MYOCD: variants seen among roughly 807,000 people sequenced by gnomAD.
The protein encoded by MYOCD is myocardin.
In MYOCD, 32 loss-of-function variants were observed where a neutral mutation model predicts 96.1. That is an observed-to-expected ratio of 0.33 (90% CI 0.25 to 0.45). The LOEUF (loss-of-function observed/expected upper bound fraction) is 0.45, where lower values mean the gene tolerates loss of function less well. Among genes scored for constraint, MYOCD ranks in the 20% least tolerant of loss-of-function variants. MYOCD has a pLI of 1.00. For missense variants in MYOCD, 1,133 were observed against 1,200.6 expected, an observed-to-expected ratio of 0.94 and a Z score of 0.83; for synonymous variants, 469 against 469.0, an observed-to-expected ratio of 1.00 and a Z score of 0.00.
In MYOCD at chr17:12,763,535, G is replaced by T. The variant is rs887042605; in HGVS notation, c.2852G>T (p.Gly951Val). ...CTCACTCCGCCAAATTCCACACCAGGCTTTAGCGCCCTCACCACCAGCAGC... is the reference window on the plus strand; with the variant it reads ...CTCACTCCGCCAAATTCCACACCAGTCTTTAGCGCCCTCACCACCAGCAGC... ...LDLTPPNSTP[G>V]FSALTTSSPS... is the part of the protein sequence containing the mutation. Residue 951 changes from glycine to valine, a missense_variant, in exon 14 of 14, where the codon GGC (glycine) becomes GTC (valine). Gly to Val is a moderately radical substitution (Grantham distance 109). Coordinates refer to ENST00000425538, the MANE Select transcript of MYOCD (RefSeq NM_001146312.3). 1 of 1,614,148 alleles carries T rather than the reference G, an allele frequency of 6.2e-7. No individual in the cohort carries two copies. The highest frequency in any genetic ancestry group is 8.5e-7 in the Non-Finnish European group (1 of 1,180,044).
chr17:12,747,648 T>C (rs547674404), intron 9 of MYOCD, among the ~76,000 whole-genome samples: 58 of 151,986 alleles, frequency 3.8e-4, no homozygotes, highest in African/African-American at 1.4e-3. Context: ...AGGCATATGA[T>C]GCAACCACAA....
intron 5 of MYOCD, among the ~76,000 whole-genome samples, chr17:12,731,309 A>T (rs192903802): frequency 6.6e-5 from 10 of 152,270 alleles, no homozygotes; most frequent in Middle Eastern, 3.4e-3. Flanking sequence ...GTGGCATGCC[A>T]GCCTTTCCAC....
intron 1 of MYOCD, among the ~76,000 whole-genome samples, chr17:12,668,306 CTG>C (rs1487911970): frequency 1.3e-5 from 2 of 152,196 alleles, no homozygotes; most frequent in Non-Finnish European, 2.9e-5. Flanking sequence ...ACTCATAAAA[CTG>C]TTTCTATCTC....
intron 5 of MYOCD, among the ~76,000 whole-genome samples, chr17:12,734,662 C>T (rs2032289744): frequency 6.6e-6 from 1 of 151,852 alleles, no homozygotes; most frequent in Admixed American, 6.6e-5. Context: ...AGGTGCTCGC[C>T]ACCATGTCTG....
At position 12,753,011 on chromosome 17, in the gene MYOCD, G is replaced by T; in HGVS notation, c.1723G>T (p.Ala575Ser). 1 of 1,614,142 alleles carries T rather than the reference G, an allele frequency of 6.2e-7. No individual in the cohort carries two copies. Among genetic ancestry groups the T allele is most frequent in the Non-Finnish European group, 8.5e-7 (1 of 1,180,012 alleles). The stretch of plus-strand genomic sequence containing the variant: ...GGCTGCCTCCATCAAGCAGGAAGAG[G>T]CTGTCTCCAGCTGTCCTTTTGCATC... ...FLAASIKQEE[A>S]VSSCPFASQV... Residue 575 changes from alanine (A) to serine (S), a missense_variant, in exon 10 of 14, where the codon GCT becomes TCT. By Grantham distance (99) the Ala-to-Ser change is moderately conservative. Transcript: ENST00000425538.
In MYOCD at chr17:12,683,646, A is replaced by T. The variant is rs1471256484; in HGVS notation, c.55+17403A>T. ...CAAATTAAATGCTGTGGGCCTGACA[A>T]CTCCTTTTATTTATTTGTTTGAGTT... On this transcript the variant is annotated intron_variant, in intron 1 of 13. Coordinates refer to ENST00000425538, the MANE Select transcript of MYOCD (RefSeq NM_001146312.3). Among the ~76,000 whole-genome samples, 4 of 151,930 alleles carry T rather than the reference A, an allele frequency of 2.6e-5. No individual in the cohort carries two copies. The East Asian group carries it at 7.7e-4, about 29-fold the overall frequency.
intron 1 of MYOCD, among the ~76,000 whole-genome samples, chr17:12,681,236 A>C (rs1597728870): frequency 2.0e-5 from 3 of 152,318 alleles, no homozygotes; most frequent in East Asian, 3.9e-4. Context: ...CCCGGTGAGC[A>C]TGTGAATTGT....
At chr17:12,696,225 G>A (rs529344010) in intron 1 of MYOCD, among the ~76,000 whole-genome samples, 50 of 152,006 alleles carry the variant, frequency 3.3e-4, no homozygotes, top group Non-Finnish European at 6.2e-4. Flanking sequence ...TGGTCCGCCC[G>A]CCTCGACCTC....
Position 12,752,797 on chromosome 17 carries a change from G to C in MYOCD, c.1509G>C (p.Gly503=), listed in dbSNP as rs764922463. Residue 503 remains glycine, a synonymous_variant, in exon 10 of 14, where the codon GGG becomes GGC. Coordinates refer to ENST00000425538, the MANE Select transcript of MYOCD (RefSeq NM_001146312.3). ...AAAGTCTCATGAGCAGCCTGAATGG[G>C]GGCTCTGTTCCTTCTGAGCTGGATG... ...TEESLMSSLN[G]GSVPSELDGL... is the part of the protein sequence containing the mutation. 9.9e-6 allele frequency: 16 copies of C among 1,614,126 alleles called. No individual in the cohort carries two copies. In the Admixed American group the frequency reaches 2.7e-4, roughly 27 times the overall value.
intron 1 of MYOCD, among the ~76,000 whole-genome samples, chr17:12,679,310 A>T (rs931493352): frequency 2.0e-5 from 3 of 152,136 alleles, no homozygotes; most frequent in Non-Finnish European, 4.4e-5. Flanking sequence ...GTAACTCAGG[A>T]TTGGCTGGGA....
At chr17:12,718,821 A>G (rs1490923054) in intron 4 of MYOCD, among the ~76,000 whole-genome samples, 10 of 152,206 alleles carry the variant, frequency 6.6e-5, no homozygotes, top group African/African-American at 1.9e-4. Flanking sequence ...AGCAGCTGCT[A>G]TGTCAGCACA....
chr17:12,723,279 A>C (rs995579778), intron 5 of MYOCD, among the ~76,000 whole-genome samples: 2 of 152,160 alleles, frequency 1.3e-5, no homozygotes, highest in African/African-American at 4.8e-5. Context: ...TGCTCAAAAC[A>C]TCTCCCCTAT....
At chr17:12,746,359 T>A (rs569767868) in intron 9 of MYOCD, among the ~76,000 whole-genome samples, 2 of 152,188 alleles carry the variant, frequency 1.3e-5, no homozygotes, top group Non-Finnish European at 2.9e-5. Flanking sequence ...ATGGCACCAG[T>A]ATCTGGCAAA....
At chr17:12,685,199 C>G (rs150708781) in intron 1 of MYOCD, among the ~76,000 whole-genome samples, 1 of 151,936 alleles carries the variant, frequency 6.6e-6, no homozygotes, top group East Asian at 1.9e-4. Flanking sequence ...CTCAGGAGGC[C>G]AAGGCACAAG....
intron 10 of MYOCD, among the ~76,000 whole-genome samples, chr17:12,755,153 A>T (rs1392223928): frequency 6.6e-6 from 1 of 152,238 alleles, no homozygotes; most frequent in African/African-American, 2.4e-5. Context: ...TAATTAACAA[A>T]CATTTATTGA....
chr17:12,756,644 C>A, intron 11 of MYOCD, 87 bp downstream of exon 11: 1 of 1,267,880 alleles, frequency 7.9e-7, no homozygotes, highest in Non-Finnish European at 1.1e-6. Flanking sequence ...TGCAGTGAGC[C>A]GAGATCGCAC....
chr17:12,715,961 G>C lies in MYOCD; in HGVS notation c.177+387G>C, dbSNP rs149755536. ...TTAAAAAATCCAATTCAAGGGTAAGGCATGGTTTATGCATACAGAACTCAT... is the reference window on the plus strand; with the variant it reads ...TTAAAAAATCCAATTCAAGGGTAAGCCATGGTTTATGCATACAGAACTCAT... On this transcript the variant is annotated intron_variant, in intron 3 of 13. Coordinates refer to ENST00000425538, the MANE Select transcript of MYOCD (RefSeq NM_001146312.3). Among the ~76,000 whole-genome samples, 3 of 152,240 alleles carry C rather than the reference G, an allele frequency of 2.0e-5. No individual in the cohort carries two copies. The East Asian group carries it at 5.8e-4, about 29-fold the overall frequency.
chr17:12,666,945 G>A (rs939014929), intron 1 of MYOCD, among the ~76,000 whole-genome samples: 15 of 152,146 alleles, frequency 9.9e-5, no homozygotes, highest in Non-Finnish European at 1.8e-4. Context: ...TTGTACACGC[G>A]CCCATGGAAG....
At position 12,763,305 on chromosome 17, in the gene MYOCD, A is replaced by G. The variant is rs369384824; in HGVS notation, c.2622A>G (p.Leu874=). ...GAAAGATGAGTGATGTCACCCTTCT[A>G]AAAATTGGGAGCGAAGAGCCTCACT... ...PLGKMSDVTL[L]KIGSEEPHFD... Residue 874 remains leucine (L), a synonymous_variant, in exon 14 of 14, where the codon CTA becomes CTG. Coordinates refer to ENST00000425538, the MANE Select transcript of MYOCD (RefSeq NM_001146312.3). 462 of 1,609,752 alleles carry G rather than the reference A, an allele frequency of 2.9e-4. 4 individuals are homozygous for G. The South Asian group carries it at 4.3e-3, about 15-fold the overall frequency.
Sources: gnomAD v4.1 joint callset for allele counts (sites outside exome capture counted in the v4.1 genomes callset) on GRCh38, gnomAD v4.1.1 for gene constraint, MANE v1.5 for transcripts, NCBI Gene and HGNC (gene_info 2026-07-23, HGNC 2026-07-21) for gene names.